Variants in SLIT3 observed in about 807,000 individuals in gnomAD.
The protein encoded by SLIT3 is slit homolog 3 protein.
SLIT3 carries 68 observed loss-of-function variants against 184.0 expected under a neutral mutation model. The observed-to-expected ratio is 0.37, with a 90% CI of 0.30 to 0.45. The LOEUF is 0.45. SLIT3 is among the 20% of genes least tolerant of loss of function. The pLI, the probability that SLIT3 is intolerant of heterozygous loss-of-function variation, is 1.00. For synonymous variants in SLIT3, 831 were observed against 828.6 expected (o/e 1.00, Z -0.05); for missense variants, 1,707 against 2,026.0 (o/e 0.84, Z 3.02).
chr5:169,161,871 T>C (rs910514025), intron 4 of SLIT3, among the ~76,000 whole-genome samples: 87 of 152,220 alleles, frequency 5.7e-4, no homozygotes, highest in African/African-American at 2.0e-3. Flanking sequence ...GGGCAAGTCA[T>C]AGACCATCTC....
intron 4 of SLIT3, among the ~76,000 whole-genome samples, chr5:169,170,399 G>A (rs1474663758): frequency 6.6e-6 from 1 of 152,198 alleles, no homozygotes; most frequent in Non-Finnish European, 1.5e-5. Context: ...CTCCTGAGGA[G>A]CGAGGAAGAG....
At chr5:169,059,317 A>T (rs1356932906) in intron 4 of SLIT3, among the ~76,000 whole-genome samples, 1 of 152,174 alleles carries the variant, frequency 6.6e-6, no homozygotes, top group Non-Finnish European at 1.5e-5. Context: ...CCGTTCACAC[A>T]TACTCCAGAA....
At chr5:169,056,557 C>T (rs576907751) in intron 4 of SLIT3, among the ~76,000 whole-genome samples, 44 of 151,612 alleles carry the variant, frequency 2.9e-4, no homozygotes, top group African/African-American at 9.7e-4. Flanking sequence ...TATAATGGAT[C>T]GTTGGCCACC....
chr5:168,692,762 A>G, intron 28 of SLIT3, 62 bp from the exon 29 acceptor site: 1 of 1,192,744 alleles, frequency 8.4e-7, no homozygotes, highest in South Asian at 1.2e-5. Flanking sequence ...TGGCCAGAAG[A>G]TCAGAGTACT....
chr5:169,090,238 G>A (rs1240342547), intron 4 of SLIT3, among the ~76,000 whole-genome samples: 3 of 152,164 alleles, frequency 2.0e-5, no homozygotes, highest in Non-Finnish European at 2.9e-5. Context: ...GGGTGAAGGG[G>A]AGGAGGGAGG....
intron 4 of SLIT3, chr5:169,026,611 A>T (rs1756835147): frequency 6.6e-6 from 1 of 152,236 alleles, no homozygotes; most frequent in Non-Finnish European, 1.5e-5. Context: ...CCTACAAAAC[A>T]ACATGCATAG....
intron 4 of SLIT3, among the ~76,000 whole-genome samples, chr5:168,933,955 C>A (rs1482550187): frequency 1.3e-5 from 2 of 152,194 alleles, no homozygotes; most frequent in African/African-American, 4.8e-5. Flanking sequence ...ACCAATACTT[C>A]TTGAGCAGGG....
At position 168,753,901 on chromosome 5, in the gene SLIT3, C is replaced by G; in HGVS notation, c.1792G>C (p.Gly598Arg). 6.2e-7 allele frequency: 1 copy of G among 1,611,992 alleles called. No individual in the cohort carries two copies. Among genetic ancestry groups the G allele is most frequent in the Non-Finnish European group, 8.5e-7 (1 of 1,180,014 alleles). Reference sequence around the variant, plus strand: ...CCACTGAGGCCACGGAACACGCGCCCGTGCACGGTCTCCAGCTGGTTCCCT... The same window carrying G: ...CCACTGAGGCCACGGAACACGCGCCGGTGCACGGTCTCCAGCTGGTTCCCT... ...LTGNQLETVH[G>R]RVFRGLSGLK... is the part of the protein sequence containing the mutation. Residue 598 changes from glycine (G) to arginine (R), a missense_variant, in exon 17 of 36, where the codon GGG becomes CGG. This residue lies in a region of SLIT3 where 1,307 missense variants were observed against 1,511.6 expected (regional missense o/e 0.86). Transcript: ENST00000519560.
At chr5:169,237,929 G>T (rs551685475) in intron 3 of SLIT3, among the ~76,000 whole-genome samples, 49 of 152,254 alleles carry the variant, frequency 3.2e-4, no homozygotes, top group African/African-American at 1.2e-3. Flanking sequence ...TTTGTATCCA[G>T]ATTCATTTTT....
intron 10 of SLIT3, chr5:168,791,275 T>C (rs1449543858): frequency 6.6e-6 from 1 of 152,238 alleles, no homozygotes; most frequent in African/African-American, 2.4e-5. Flanking sequence ...GAGGAAGCTA[T>C]GTGGCCAGCA....
At chr5:169,051,903 C>T (rs1215655750) in intron 4 of SLIT3, among the ~76,000 whole-genome samples, 4 of 152,270 alleles carry the variant, frequency 2.6e-5, no homozygotes, top group South Asian at 2.1e-4. Context: ...CAAGCTTGCA[C>T]GCCTTGGTGT....
chr5:168,966,179 A>C (rs1036976112), intron 4 of SLIT3, among the ~76,000 whole-genome samples: 2 of 152,216 alleles, frequency 1.3e-5, no homozygotes, highest in Non-Finnish European at 2.9e-5. Flanking sequence ...CATTAGAGAC[A>C]TGTGCTTTGA....
intron 4 of SLIT3, among the ~76,000 whole-genome samples, chr5:169,142,988 T>G (rs1761796646): frequency 6.6e-6 from 1 of 152,176 alleles, no homozygotes; most frequent in South Asian, 2.1e-4. Flanking sequence ...AGGGAGCCCA[T>G]CTGCCCCAGG....
At chr5:169,087,487 CT>C (rs1321203518) in intron 4 of SLIT3, among the ~76,000 whole-genome samples, 1 of 152,208 alleles carries the variant, frequency 6.6e-6, no homozygotes, top group African/African-American at 2.4e-5. Flanking sequence ...GAATGCACCC[CT>C]GGCCTCTGCA....
intron 2 of SLIT3, among the ~76,000 whole-genome samples, chr5:169,250,224 A>G (rs923571176): frequency 6.6e-6 from 1 of 152,298 alleles, no homozygotes; most frequent in South Asian, 2.1e-4. Context: ...TGTTACCACT[A>G]TGTAATACTG....
chr5:169,052,188 C>A (rs1398648028), intron 4 of SLIT3, among the ~76,000 whole-genome samples: 4 of 152,184 alleles, frequency 2.6e-5, no homozygotes, highest in Non-Finnish European at 5.9e-5. Flanking sequence ...GCTCCTTCAC[C>A]CACATGGAAA....
intron 9 of SLIT3, among the ~76,000 whole-genome samples, chr5:168,803,011 CTTGG>C: frequency 7.0e-6 from 1 of 142,478 alleles, no homozygotes; most frequent in Non-Finnish European, 1.5e-5. Flanking sequence ...CTCTTAACCT[CTTGG>C]TTGTTTGTAT....
chr5:169,082,572 A>ATG (rs746321521), intron 4 of SLIT3, among the ~76,000 whole-genome samples: 40 of 107,978 alleles, frequency 3.7e-4, no homozygotes, highest in African/African-American at 6.5e-4. Flanking sequence ...ACCTGTCTCT[A>ATG]TGTGTGTGTG....
At chr5:168,942,712 G>A (rs749716125) in intron 4 of SLIT3, among the ~76,000 whole-genome samples, 25 of 150,646 alleles carry the variant, frequency 1.7e-4, no homozygotes, top group Non-Finnish European at 3.1e-4. Flanking sequence ...GGGCCATAAA[G>A]ATGGCATTAG....
Sources: allele counts gnomAD v4.1 joint callset (sites outside exome capture counted in the v4.1 genomes callset), GRCh38; gene constraint gnomAD v4.1.1; regional missense constraint gnomAD v4.1.1; transcripts MANE v1.5; gene names NCBI Gene and HGNC (gene_info 2026-07-23, HGNC 2026-07-21).